The following NRG1 variants were observed in gnomAD, a reference collection of about 807,000 sequenced individuals.
NRG1 encodes the protein neuregulin 1.
A neutral mutation model predicts 63.8 loss-of-function variants in NRG1; 18 were observed. That is an observed-to-expected ratio of 0.28 (90% CI 0.19 to 0.42). The LOEUF (loss-of-function observed/expected upper bound fraction) is 0.42. Ranked by LOEUF, NRG1 falls within the 10% of genes least tolerant of loss-of-function variation. The pLI is 1.00. For missense variants in NRG1, 762 were observed against 814.7 expected, an observed-to-expected ratio of 0.94 and a Z score of 0.79; for synonymous variants, 302 against 301.3, an observed-to-expected ratio of 1.00 and a Z score of -0.02.
At chr8:32,056,482 T>G (rs1822964646) in intron 1 of NRG1, among the ~76,000 whole-genome samples, 1 of 152,190 alleles carries the variant, frequency 6.6e-6, no homozygotes, top group African/African-American at 2.4e-5. Context: ...GGCTTTTGTC[T>G]GTCATAGTAT....
At chr8:32,386,299 C>G (rs1204123373) in intron 1 of NRG1, among the ~76,000 whole-genome samples, 1 of 152,172 alleles carries the variant, frequency 6.6e-6, no homozygotes, top group Admixed American at 6.6e-5. Context: ...AGCTGTCTCT[C>G]TATTAAAGTT....
intron 1 of NRG1, among the ~76,000 whole-genome samples, chr8:31,831,013 C>A (rs1825100250): frequency 6.6e-6 from 1 of 152,080 alleles, no homozygotes; most frequent in South Asian, 2.1e-4. Flanking sequence ...AAAAAGGGAA[C>A]TATATGCAAG....
At chr8:32,486,734 C>T (rs926512851) in intron 1 of NRG1, among the ~76,000 whole-genome samples, 3 of 151,440 alleles carry the variant, frequency 2.0e-5, no homozygotes, top group Non-Finnish European at 4.4e-5. Context: ...AAGCAGTTCT[C>T]TTACCTCAGC....
intron 1 of NRG1, among the ~76,000 whole-genome samples, chr8:32,324,539 C>G (rs1452289280): frequency 6.6e-6 from 1 of 152,166 alleles, no homozygotes; most frequent in Admixed American, 6.6e-5. Flanking sequence ...CTGAAACAAG[C>G]TGAGATGTGG....
intron 1 of NRG1, among the ~76,000 whole-genome samples, chr8:32,263,182 A>C (rs929240138): frequency 6.6e-6 from 1 of 152,194 alleles, no homozygotes; most frequent in African/African-American, 2.4e-5. Context: ...TAAACACATC[A>C]TATCATTTAA....
At chr8:32,533,480 G>C (rs989084648) in intron 1 of NRG1, among the ~76,000 whole-genome samples, 6 of 152,102 alleles carry the variant, frequency 3.9e-5, no homozygotes, top group African/African-American at 1.4e-4. Flanking sequence ...TCAACTATAT[G>C]TTATTTTCTT....
At chr8:31,639,959 C>A (rs969323760) in intron 1 of NRG1, 78 of 1,126,510 alleles carry the variant, frequency 6.9e-5, no homozygotes, top group Non-Finnish European at 7.9e-5. Context: ...GAACCGACAG[C>A]CAGAAGCCCG....
chr8:32,301,781 A>T (rs1348034601), intron 1 of NRG1, among the ~76,000 whole-genome samples: 1 of 152,206 alleles, frequency 6.6e-6, no homozygotes, highest in Non-Finnish European at 1.5e-5. Context: ...ACCGGCCTGC[A>T]TAATTCCATC....
At chr8:31,958,986 C>G (rs928015389) in intron 1 of NRG1, among the ~76,000 whole-genome samples, 1 of 152,148 alleles carries the variant, frequency 6.6e-6, no homozygotes, top group African/African-American at 2.4e-5. Context: ...CTTAGCTAAT[C>G]TGTGACTTTG....
intron 1 of NRG1, among the ~76,000 whole-genome samples, chr8:32,139,038 A>G (rs1157826877): frequency 6.6e-6 from 1 of 152,254 alleles, no homozygotes; most frequent in African/African-American, 2.4e-5. Flanking sequence ...TTAGCATGGC[A>G]TAAAATAATC....
chr8:31,760,464 A>G (rs1307088644), intron 1 of NRG1, among the ~76,000 whole-genome samples: 1 of 152,184 alleles, frequency 6.6e-6, no homozygotes, highest in African/African-American at 2.4e-5. Context: ...ATCTAATTAA[A>G]CTAAAGAGCT....
At chr8:31,730,778 A>C (rs1813956233) in intron 1 of NRG1, among the ~76,000 whole-genome samples, 1 of 152,160 alleles carries the variant, frequency 6.6e-6, no homozygotes, top group Non-Finnish European at 1.5e-5. Flanking sequence ...GAAATAACAA[A>C]CTTTGGTAAG....
At chr8:32,043,025 T>A (rs996747134) in intron 1 of NRG1, among the ~76,000 whole-genome samples, 2 of 145,274 alleles carry the variant, frequency 1.4e-5, no homozygotes, top group Non-Finnish European at 3.1e-5. Context: ...AACACCCTTA[T>A]GTTTGAAGAA....
At chr8:32,593,651 C>T (rs1842877857) in intron 1 of NRG1, among the ~76,000 whole-genome samples, 1 of 151,480 alleles carries the variant, frequency 6.6e-6, no homozygotes, top group Non-Finnish European at 1.5e-5. Flanking sequence ...AAGATCCTGT[C>T]TAAATAAATA....
chr8:32,549,098 T>C (rs1241093029), intron 1 of NRG1, among the ~76,000 whole-genome samples: 1 of 152,146 alleles, frequency 6.6e-6, no homozygotes, highest in Non-Finnish European at 1.5e-5. Flanking sequence ...AGCGCTTCGC[T>C]CCCTGGCACG....
chr8:31,804,683 CT>C, intron 1 of NRG1, among the ~76,000 whole-genome samples: 1 of 152,264 alleles, frequency 6.6e-6, no homozygotes, highest in South Asian at 2.1e-4. Flanking sequence ...TTGAAGCTGA[CT>C]TTTTTCTTCT....
intron 1 of NRG1, among the ~76,000 whole-genome samples, chr8:32,101,188 C>T (rs1467571939): frequency 1.3e-5 from 2 of 152,122 alleles, no homozygotes; most frequent in African/African-American, 2.4e-5. Context: ...TTTAGAATTT[C>T]GTTTTTATTC....
At chr8:32,486,420 A>G (rs116192036) in intron 1 of NRG1, among the ~76,000 whole-genome samples, 1,669 of 152,272 alleles carry the variant, frequency 0.011, 26 homozygotes, top group African/African-American at 0.038. Flanking sequence ...TACGCCACCC[A>G]GGTTGTTAGG....
intron 1 of NRG1, among the ~76,000 whole-genome samples, chr8:31,694,035 G>C (rs1585716294): frequency 6.6e-6 from 1 of 152,070 alleles, no homozygotes; most frequent in African/African-American, 2.4e-5. Flanking sequence ...TAGAAATGAG[G>C]TTTTACCATG....
Sources: allele counts gnomAD v4.1 joint callset (sites outside exome capture counted in the v4.1 genomes callset), GRCh38; gene constraint gnomAD v4.1.1; transcripts MANE v1.5; gene names NCBI Gene and HGNC (gene_info 2026-07-23, HGNC 2026-07-21).